The following TMEM132D variants were observed in gnomAD, a reference collection of about 807,000 sequenced individuals.
TMEM132D encodes transmembrane protein 132D, also known as mature OL transmembrane protein.
Under a neutral mutation model 62.3 loss-of-function variants are expected in TMEM132D, and 21 were observed. The observed-to-expected ratio is 0.34, with a 90% CI of 0.24 to 0.49. TMEM132D has a LOEUF of 0.49. TMEM132D is among the 20% of genes least tolerant of loss of function. TMEM132D has a pLI of 0.99. For synonymous variants in TMEM132D, 621 were observed against 575.6 expected, an observed-to-expected ratio of 1.08 and a Z score of -1.13; for missense variants, 1,346 against 1,402.8, an observed-to-expected ratio of 0.96 and a Z score of 0.65.
chr12:129,503,123 A>G (rs1351947539), intron 3 of TMEM132D, among the ~76,000 whole-genome samples: 1 of 152,226 alleles, frequency 6.6e-6, no homozygotes, highest in Non-Finnish European at 1.5e-5. Context: ...GAAAATTTAT[A>G]ACCTCGCAGT....
chr12:129,571,594 A>G (rs1415502895), intron 2 of TMEM132D, among the ~76,000 whole-genome samples: 1 of 152,042 alleles, frequency 6.6e-6, no homozygotes, highest in Admixed American at 6.6e-5. Flanking sequence ...TAATAATAAA[A>G]AAGAAATTTA....
chr12:129,598,025 C>G (rs1252140525), intron 2 of TMEM132D, among the ~76,000 whole-genome samples: 3 of 151,772 alleles, frequency 2.0e-5, no homozygotes, highest in Non-Finnish European at 4.4e-5. Flanking sequence ...AAAGTAGGAA[C>G]CCAGCCATGA....
chr12:129,522,470 T>C (rs923151199), intron 3 of TMEM132D: 13 of 152,102 alleles, frequency 8.5e-5, no homozygotes, highest in African/African-American at 2.7e-4. Context: ...CATCCACACA[T>C]AGCATTTGTT....
intron 5 of TMEM132D, among the ~76,000 whole-genome samples, chr12:129,178,838 G>A (rs995933389): frequency 6.6e-6 from 1 of 152,190 alleles, no homozygotes; most frequent in Non-Finnish European, 1.5e-5. Flanking sequence ...TGCACTCCTT[G>A]AACCTGGGTT....
intron 3 of TMEM132D, among the ~76,000 whole-genome samples, chr12:129,405,446 T>C (rs955303404): frequency 2.6e-5 from 4 of 152,092 alleles, no homozygotes; most frequent in Admixed American, 2.0e-4. Context: ...ATTCAGCCCA[T>C]AACTATTAGG....
In TMEM132D at chr12:129,638,946, G is replaced by A. The variant is rs191042614; in HGVS notation, c.968+60864C>T. Among the ~76,000 whole-genome samples, 358 of 151,958 alleles carry A rather than the reference G, an allele frequency of 2.4e-3. 2 individuals carry two copies. Among genetic ancestry groups the A allele is most frequent in the African/African-American group, 8.3e-3 (344 of 41,508 alleles). Reference sequence around the variant, plus strand: ...ATATGCAAAGTCGGGAGTTTCAAATGAAAAAAACAAACCTGGATTGAAGTA... The same window carrying A: ...ATATGCAAAGTCGGGAGTTTCAAATAAAAAAAACAAACCTGGATTGAAGTA... On this transcript the variant is annotated intron_variant, in intron 2 of 8. Coordinates refer to ENST00000422113, the MANE Select transcript of TMEM132D (RefSeq NM_133448.3).
intron 1 of TMEM132D, among the ~76,000 whole-genome samples, chr12:129,894,727 T>C (rs1593201983): frequency 7.8e-6 from 1 of 128,574 alleles, no homozygotes; most frequent in Non-Finnish European, 1.7e-5. Context: ...ACCTTCCTTG[T>C]TGGTTTCTTG....
At chr12:129,568,976 C>T (rs944651086) in intron 2 of TMEM132D, among the ~76,000 whole-genome samples, 5 of 152,116 alleles carry the variant, frequency 3.3e-5, no homozygotes, top group Non-Finnish European at 7.4e-5. Flanking sequence ...GGCCCCATAC[C>T]TGAGGTTTCT....
chr12:129,555,651 A>G (rs1368459912), intron 2 of TMEM132D, among the ~76,000 whole-genome samples: 1 of 152,224 alleles, frequency 6.6e-6, no homozygotes, highest in African/African-American at 2.4e-5. Context: ...TGACATGCCC[A>G]TCAATGTCCA....
chr12:129,217,077 T>C (rs534691686), intron 4 of TMEM132D, among the ~76,000 whole-genome samples: 455 of 152,334 alleles, frequency 3.0e-3, no homozygotes, highest in Non-Finnish European at 5.4e-3. Flanking sequence ...TAATATATGG[T>C]TGTGAAATGA....
At chr12:129,517,377 G>A (rs1157815111) in intron 3 of TMEM132D, among the ~76,000 whole-genome samples, 1 of 152,112 alleles carries the variant, frequency 6.6e-6, no homozygotes, top group Non-Finnish European at 1.5e-5. Context: ...TGATGCATTA[G>A]TACTCAGATT....
chr12:129,579,958 G>A (rs1217618264), intron 2 of TMEM132D, among the ~76,000 whole-genome samples: 1 of 152,190 alleles, frequency 6.6e-6, no homozygotes, highest in African/African-American at 2.4e-5. Context: ...TCAGGGTGCA[G>A]GAGGGAGAGG....
At chr12:129,775,620 G>T (rs1474350229) in intron 1 of TMEM132D, among the ~76,000 whole-genome samples, 3 of 152,174 alleles carry the variant, frequency 2.0e-5, no homozygotes, top group Admixed American at 6.5e-5. Context: ...GATGCGAGAA[G>T]ATAAATAAAA....
intron 4 of TMEM132D, among the ~76,000 whole-genome samples, chr12:129,310,056 C>A (rs74949633): frequency 2.7e-5 from 4 of 149,742 alleles, no homozygotes; most frequent in Non-Finnish European, 5.9e-5. Flanking sequence ...GAGGGCTGGC[C>A]GAGGAGGAAA....
intron 3 of TMEM132D, among the ~76,000 whole-genome samples, chr12:129,529,959 T>A (rs1322286571): frequency 6.6e-6 from 1 of 152,218 alleles, no homozygotes; most frequent in African/African-American, 2.4e-5. Flanking sequence ...TATCACTACA[T>A]ACATATCTAG....
chr12:129,791,415 A>G (rs1474789129), intron 1 of TMEM132D, among the ~76,000 whole-genome samples: 2 of 152,204 alleles, frequency 1.3e-5, no homozygotes, highest in Non-Finnish European at 2.9e-5. Flanking sequence ...ATCAAATTAC[A>G]TGTTTCATCT....
At chr12:129,633,174 T>A (rs759513439) in intron 2 of TMEM132D, among the ~76,000 whole-genome samples, 1 of 152,216 alleles carries the variant, frequency 6.6e-6, no homozygotes, top group Non-Finnish European at 1.5e-5. Flanking sequence ...GACAAACATC[T>A]TCCCCCTGGA....
At chr12:129,639,798 G>A (rs982340413) in intron 2 of TMEM132D, among the ~76,000 whole-genome samples, 5 of 152,126 alleles carry the variant, frequency 3.3e-5, no homozygotes, top group Admixed American at 1.3e-4. Flanking sequence ...AGTCTGGCTC[G>A]AACCTGCCTT....
At chr12:129,194,375 C>T (rs1178769566) in intron 5 of TMEM132D, among the ~76,000 whole-genome samples, 1 of 152,188 alleles carries the variant, frequency 6.6e-6, no homozygotes, top group Non-Finnish European at 1.5e-5. Flanking sequence ...CCAAATAATG[C>T]ATGTTCTCAC....
Sources: allele counts gnomAD v4.1 joint callset (sites outside exome capture counted in the v4.1 genomes callset), GRCh38; gene constraint gnomAD v4.1.1; transcripts MANE v1.5; gene names NCBI Gene and HGNC (gene_info 2026-07-23, HGNC 2026-07-21).